CNTNAP3: variants seen among roughly 807,000 people sequenced by gnomAD.
CNTNAP3 encodes the protein contactin associated protein family member 3, also known as contactin-associated protein-like 3.
A neutral mutation model predicts 92.1 loss-of-function variants in CNTNAP3; 36 were observed. That is an observed-to-expected ratio of 0.39 (90% CI 0.30 to 0.52). The LOEUF is 0.52. Among genes scored for constraint, CNTNAP3 ranks in the 20% least tolerant of loss-of-function variants. The pLI is 0.76. For synonymous variants in CNTNAP3, 232 were observed against 422.3 expected (o/e 0.55, Z 5.53); for missense variants, 534 against 1,069.6 (o/e 0.50, Z 6.98).
intron 21 of CNTNAP3, among the ~76,000 whole-genome samples, chr9:39,081,863 G>T (rs182632259): frequency 2.7e-5 from 4 of 147,490 alleles, no homozygotes; most frequent in Admixed American, 6.7e-5. Flanking sequence ...CGGATGATGA[G>T]GTCAGGAGAT....
chr9:39,131,739 T>C (rs1330678829), intron 13 of CNTNAP3, among the ~76,000 whole-genome samples: 1 of 152,050 alleles, frequency 6.6e-6, no homozygotes, highest in African/African-American at 2.4e-5. Context: ...GGCAGGAGAA[T>C]CGCTTGAATC....
chr9:39,120,730 G>A (rs1019338833), intron 13 of CNTNAP3, among the ~76,000 whole-genome samples: 3 of 152,022 alleles, frequency 2.0e-5, no homozygotes, highest in African/African-American at 2.4e-5. Context: ...ATAATTTGTC[G>A]CTAGCAGACA....
chr9:39,100,344 A>C (rs186947457), intron 17 of CNTNAP3, among the ~76,000 whole-genome samples, 194 bp from the exon 18 acceptor site: 46 of 152,316 alleles, frequency 3.0e-4, no homozygotes, highest in Middle Eastern at 3.4e-3. Context: ...TAAAACACTT[A>C]TTTACATAAC....
intron 9 of CNTNAP3, among the ~76,000 whole-genome samples, chr9:39,151,084 T>C (rs977563783): frequency 4.8e-5 from 7 of 144,512 alleles, no homozygotes; most frequent in African/African-American, 1.8e-4. Flanking sequence ...AAAATCTTTT[T>C]ATTTAAAGAC....
intron 23 of CNTNAP3, among the ~76,000 whole-genome samples, chr9:39,077,758 A>G (rs1286367453): frequency 6.6e-6 from 1 of 152,274 alleles, no homozygotes; most frequent in Non-Finnish European, 1.5e-5. Context: ...TTACCGTGAC[A>G]AATATCCCAC....
intron 9 of CNTNAP3, chr9:39,154,844 C>T (rs1821919328): frequency 4.5e-6 from 1 of 221,486 alleles, no homozygotes; most frequent in Non-Finnish European, 9.1e-6. Context: ...CGGGGAGCAC[C>T]TGCAGGGGCT....
chr9:39,142,447 T>A (rs1821599830), intron 11 of CNTNAP3, among the ~76,000 whole-genome samples: 1 of 152,008 alleles, frequency 6.6e-6, no homozygotes, highest in South Asian at 2.1e-4. Context: ...CCAAGGCAGG[T>A]GGATCACAAG....
intron 23 of CNTNAP3, among the ~76,000 whole-genome samples, chr9:39,075,436 G>GTATAAAGACAATAAA (rs1825735422): frequency 6.6e-6 from 1 of 151,538 alleles, no homozygotes; most frequent in African/African-American, 2.4e-5. Flanking sequence ...AGAAATAAAT[G>GTATAAAGACAATAAA]TGTATAAAGA....
At position 39,067,176 on chromosome 9, in the gene CNTNAP3, A is replaced by G. The variant is rs1380215893; in HGVS notation, c.*6714T>C. ...GTATTTTTTAATCTTATACATTAACATTGTCATCTCTCGAAGTTTAATTAA... is the reference window on the plus strand; with the variant it reads ...GTATTTTTTAATCTTATACATTAACGTTGTCATCTCTCGAAGTTTAATTAA... On this transcript the variant is annotated 3_prime_UTR_variant, in exon 24 of 24. Coordinates refer to ENST00000297668, the MANE Select transcript of CNTNAP3 (RefSeq NM_033655.5). Among the ~76,000 whole-genome samples the G allele has an allele frequency of 1.0e-4, 16 of 152,420 alleles. No individual in the cohort carries two copies. The highest frequency in any genetic ancestry group is 1.9e-4 in the Non-Finnish European group (13 of 68,044).
rs1280988662 is a variant in CNTNAP3 at position 39,065,903 on chromosome 9, C to G, written c.*7987G>C. 6.6e-6 allele frequency among the ~76,000 whole-genome samples: 1 copy of G among 152,158 alleles called. No individual in the cohort carries two copies. ...AGTGTTGCAAATATTTTCTCCCAGT[C>G]TGTAGCTTGACTCTTATTCTCTTAA... On this transcript the variant is annotated 3_prime_UTR_variant, in exon 24 of 24. Transcript: ENST00000297668.
chr9:39,107,230 AAAG>A (rs1243794053), intron 15 of CNTNAP3, among the ~76,000 whole-genome samples: 1 of 152,008 alleles, frequency 6.6e-6, no homozygotes, highest in Non-Finnish European at 1.5e-5. Context: ...AAAAAGAAAA[AAAG>A]AAGACAGGAA....
Position 39,094,101 on chromosome 9 carries a change from CGTTT to C in CNTNAP3, c.2996-5458_2996-5455del, listed in dbSNP as rs542059248. ...TGAAGAGGCAGCTCATTATACTTTT[CGTTT>C]GTATTTCTTTAATAACTAATGATGT... On this transcript the variant is annotated intron_variant, in intron 18 of 23. Transcript: ENST00000297668. Among the ~76,000 whole-genome samples the C allele has an allele frequency of 1.0e-3, 151 of 151,322 alleles. 1 individual carries two copies. Among genetic ancestry groups the C allele is most frequent in the Non-Finnish European group, 2.0e-3 (137 of 67,450 alleles).
chr9:39,112,271 A>G (rs1826765787), intron 14 of CNTNAP3, among the ~76,000 whole-genome samples: 1 of 152,002 alleles, frequency 6.6e-6, no homozygotes, highest in African/African-American at 2.4e-5. Context: ...ACTACTTATT[A>G]TTTGCCAGGG....
intron 11 of CNTNAP3, among the ~76,000 whole-genome samples, chr9:39,142,225 G>T (rs1821593281): frequency 6.6e-6 from 1 of 152,200 alleles, no homozygotes; most frequent in Non-Finnish European, 1.5e-5. Context: ...AATTTGCCAG[G>T]TAACACACAA....
intron 13 of CNTNAP3, among the ~76,000 whole-genome samples, chr9:39,120,658 A>G (rs1290169251): frequency 6.6e-6 from 1 of 152,214 alleles, no homozygotes. Context: ...CGACAGAGTG[A>G]GATTCCATCT....
At chr9:39,131,364 AGCT>A (rs1228456595) in intron 13 of CNTNAP3, among the ~76,000 whole-genome samples, 1 of 152,222 alleles carries the variant, frequency 6.6e-6, no homozygotes, top group South Asian at 2.1e-4. Context: ...AAATTTCCAC[AGCT>A]GCTAAGTGAC....
At chr9:39,077,920 C>T (rs1028484307) in intron 23 of CNTNAP3, among the ~76,000 whole-genome samples, 4 of 152,006 alleles carry the variant, frequency 2.6e-5, no homozygotes, top group African/African-American at 9.7e-5. Flanking sequence ...AGAAAATCAA[C>T]GAAGGCCGGG....
chr9:39,152,667 T>A (rs1821867717), intron 9 of CNTNAP3, among the ~76,000 whole-genome samples: 1 of 143,756 alleles, frequency 7.0e-6, no homozygotes, highest in African/African-American at 2.7e-5. Flanking sequence ...GTTATCTTTT[T>A]TTTTTGAGAC....
intron 13 of CNTNAP3, among the ~76,000 whole-genome samples, chr9:39,128,683 A>G (rs1821205603): frequency 6.6e-6 from 1 of 152,122 alleles, no homozygotes; most frequent in Non-Finnish European, 1.5e-5. Flanking sequence ...AGCTACTGCA[A>G]TAAAGCAAGA....
Sources: gnomAD v4.1 joint callset for allele counts (sites outside exome capture counted in the v4.1 genomes callset) on GRCh38, gnomAD v4.1.1 for gene constraint, MANE v1.5 for transcripts, NCBI Gene and HGNC (gene_info 2026-07-23, HGNC 2026-07-21) for gene names.